DAB1: variants seen among roughly 807,000 people sequenced by gnomAD.
DAB1 encodes DAB adaptor protein 1, also known as disabled homolog 1.
In DAB1, 15 loss-of-function variants were observed where a neutral mutation model predicts 64.6. That is an observed-to-expected ratio of 0.23 (90% CI 0.16 to 0.36). The LOEUF (loss-of-function observed/expected upper bound fraction) is 0.36. Ranked by LOEUF, DAB1 falls within the 10% of genes least tolerant of loss-of-function variation. The probability of loss-of-function intolerance (pLI) is 1.00; values close to 1 mark genes in which losing one functional copy is unlikely to be tolerated. For missense variants in DAB1, 596 were observed against 706.7 expected (o/e 0.84, Z 1.78); for synonymous variants, 235 against 251.9 (o/e 0.93, Z 0.64).
At chr1:58,148,785 C>CA (rs925181132) in intron 5 of DAB1, among the ~76,000 whole-genome samples, 33 of 150,078 alleles carry the variant, frequency 2.2e-4, no homozygotes, top group African/African-American at 7.9e-4. Flanking sequence ...ACCCCCCCCC[C>CA]AACCTCATGA....
At chr1:57,127,538 T>A (rs1422207380) in intron 4 of DAB1, among the ~76,000 whole-genome samples, 1 of 152,200 alleles carries the variant, frequency 6.6e-6, no homozygotes, top group African/African-American at 2.4e-5. Flanking sequence ...TTTTTCTTTT[T>A]TGTCTCTCCA....
At position 57,612,195 on chromosome 1, in the gene DAB1, TTGTGTGTG is replaced by T. The variant is rs58605325; in HGVS notation, n.625+37389_625+37396del. On this transcript the variant is annotated intron_variant and non_coding_transcript_variant, in intron 7 of 20. Coordinates refer to the DAB1 transcript ENST00000485760. Reference sequence around the variant, plus strand: ...TCACATATCCATGTTTGGCATGATCTTGTGTGTGTGTGTGTGTGTGTGTGCATGTGTGT... The same window carrying T: ...TCACATATCCATGTTTGGCATGATCTTGTGTGTGTGTGTGTGCATGTGTGT... Among the ~76,000 whole-genome samples, 277 of 149,656 alleles carry T rather than the reference TTGTGTGTG, an allele frequency of 1.9e-3. 2 individuals carry two copies. Among genetic ancestry groups the T allele is most frequent in the South Asian group, 3.2e-3 (15 of 4,722 alleles).
chr1:57,007,262 C>G (rs1051540053), intron 14 of DAB1, among the ~76,000 whole-genome samples: 3 of 152,204 alleles, frequency 2.0e-5, no homozygotes, highest in Non-Finnish European at 4.4e-5. Context: ...AGATGCTACT[C>G]TGACTTGACA....
chr1:58,541,293 CAAAAAAAAAAAAAAAAAAAAAAAA>C (rs71043292), intron 1 of DAB1, among the ~76,000 whole-genome samples: 17 of 27,572 alleles, frequency 6.2e-4, no homozygotes, highest in Admixed American at 3.2e-3. Context: ...GACTCTGTCT[CAAAAAAAAAAAAAAAAAAAAAAAA>C]AAAAAAAAAA....
chr1:57,878,474 T>G (rs1462759140), intron 1 of DAB1: 4 of 152,174 alleles, frequency 2.6e-5, no homozygotes, highest in African/African-American at 9.7e-5. Flanking sequence ...TAGATGATCT[T>G]GCATTTGTTT....
chr1:57,433,597 T>C (rs1214310604), intron 7 of DAB1, among the ~76,000 whole-genome samples: 1 of 152,048 alleles, frequency 6.6e-6, no homozygotes, highest in African/African-American at 2.4e-5. Context: ...TTTAGAGGTA[T>C]GCACAGGTTT....
chr1:58,387,037 T>C lies in DAB1; in HGVS notation n.258-43634A>G, dbSNP rs1249579552. On this transcript the variant is annotated intron_variant and non_coding_transcript_variant, in intron 3 of 20. Transcript: ENST00000485760. ...ATCATGCCATTGCACTCCAGCCTGG[T>C]CAACAAGAGCAAAACTCCATCTCAA... 3.3e-5 allele frequency among the ~76,000 whole-genome samples: 5 copies of C among 152,082 alleles called. No individual in the cohort carries two copies. In the East Asian group the frequency reaches 9.7e-4, roughly 29 times the overall value.
At chr1:58,427,688 G>A (rs1264245570) in intron 3 of DAB1, among the ~76,000 whole-genome samples, 3 of 152,192 alleles carry the variant, frequency 2.0e-5, no homozygotes, top group African/African-American at 7.2e-5. Flanking sequence ...ATAAGATTGG[G>A]AGGTCTTCGG....
At chr1:57,831,889 AT>A (rs2101905145) in intron 1 of DAB1, among the ~76,000 whole-genome samples, 1 of 152,292 alleles carries the variant, frequency 6.6e-6, no homozygotes, top group Admixed American at 6.5e-5. Context: ...CACCAAGAAC[AT>A]ACTATGTGCA....
At chr1:57,792,977 A>C (rs147726663) in intron 6 of DAB1, among the ~76,000 whole-genome samples, 1 of 152,362 alleles carries the variant, frequency 6.6e-6, no homozygotes, top group East Asian at 1.9e-4. Flanking sequence ...GATTTTAAAT[A>C]TCACAAAGCT....
chr1:58,447,480 A>C (rs895317385), intron 3 of DAB1, among the ~76,000 whole-genome samples: 1 of 152,168 alleles, frequency 6.6e-6, no homozygotes, highest in East Asian at 1.9e-4. Flanking sequence ...TTTAACAAAT[A>C]TTTAAGAACC....
intron 3 of DAB1, among the ~76,000 whole-genome samples, chr1:58,387,332 A>C (rs1184895256): frequency 6.6e-6 from 1 of 152,238 alleles, no homozygotes; most frequent in East Asian, 1.9e-4. Flanking sequence ...TATCACAAGG[A>C]AATCACAGGA....
chr1:57,888,785 C>A (rs1026552711), upstream of DAB1, among the ~76,000 whole-genome samples: 43 of 152,244 alleles, frequency 2.8e-4, no homozygotes, highest in African/African-American at 1.0e-3. Flanking sequence ...GCATCAACAT[C>A]TGAAAAAATA....
chr1:57,791,590 C>T (rs998879287), intron 6 of DAB1, among the ~76,000 whole-genome samples: 10 of 152,128 alleles, frequency 6.6e-5, no homozygotes, highest in African/African-American at 2.4e-4. Context: ...ATAATAACCA[C>T]CTTGCAGAGT....
chr1:58,206,754 T>C (rs1334177010), intron 4 of DAB1, among the ~76,000 whole-genome samples: 1 of 152,198 alleles, frequency 6.6e-6, no homozygotes, highest in African/African-American at 2.4e-5. Flanking sequence ...TTGCTTTGCA[T>C]TTGGTTAGTA....
At chr1:58,336,062 G>A (rs1399964852) in intron 4 of DAB1, among the ~76,000 whole-genome samples, 1 of 152,200 alleles carries the variant, frequency 6.6e-6, no homozygotes, top group Non-Finnish European at 1.5e-5. Context: ...GAGGAATGTG[G>A]ACCAAGAAGA....
chr1:58,058,380 C>T (rs1427716234), intron 5 of DAB1, among the ~76,000 whole-genome samples: 1 of 152,148 alleles, frequency 6.6e-6, no homozygotes, highest in Non-Finnish European at 1.5e-5. Context: ...CAGCAAACCC[C>T]ATTGCATGAT....
At chr1:58,345,546 C>G (rs1404453820) in intron 3 of DAB1, among the ~76,000 whole-genome samples, 1 of 152,192 alleles carries the variant, frequency 6.6e-6, no homozygotes, top group Non-Finnish European at 1.5e-5. Context: ...CCCCATTTCT[C>G]TGGCTCTAAT....
In DAB1 at chr1:57,497,723, G is replaced by A. The variant is rs548427241; in HGVS notation, n.625+151869C>T. ...GGATACATTCTTATGTCAAGAAGGG[G>A]TAATGGCAGAGGGCCGGTTTCATAT... On this transcript the variant is annotated intron_variant and non_coding_transcript_variant, in intron 7 of 20. Transcript: ENST00000485760. Among the ~76,000 whole-genome samples the A allele has an allele frequency of 8.2e-4, 125 of 152,324 alleles. 2 individuals carry two copies. The South Asian group carries it at 0.015, about 18-fold the overall frequency.
Sources: gnomAD v4.1 joint callset for allele counts (sites outside exome capture counted in the v4.1 genomes callset) on GRCh38, gnomAD v4.1.1 for gene constraint, MANE v1.5 for transcripts, NCBI Gene and HGNC (gene_info 2026-07-23, HGNC 2026-07-21) for gene names.